RFX7: variants seen among roughly 807,000 people sequenced by gnomAD.
The protein encoded by RFX7 is regulatory factor X7.
RFX7 carries 26 observed loss-of-function variants against 111.8 expected under a neutral mutation model. The ratio of observed to expected loss-of-function variants is 0.23; its 90% CI spans 0.17 to 0.32. The LOEUF is 0.32. Among genes scored for constraint, RFX7 ranks in the 10% least tolerant of loss-of-function variants. The pLI is 1.00. For synonymous variants in RFX7, 624 were observed against 624.4 expected, an observed-to-expected ratio of 1.00 and a Z score of 0.01; for missense variants, 1,573 against 1,772.9, an observed-to-expected ratio of 0.89 and a Z score of 2.02.
At chr15:56,144,632 C>A in intron 3 of RFX7, 149 bp from the exon 4 acceptor site, 1 of 290,168 alleles carries the variant, frequency 3.4e-6, no homozygotes, top group Non-Finnish European at 7.0e-6. Flanking sequence ...TAAAATAATA[C>A]AATGAGGTTA....
intron 5 of RFX7, among the ~76,000 whole-genome samples, chr15:56,106,323 A>G (rs1422785418): frequency 6.6e-6 from 1 of 152,236 alleles, no homozygotes; most frequent in Non-Finnish European, 1.5e-5. Context: ...TGGTGGATAA[A>G]TATTAAAAGT....
chr15:56,118,228 A>G (rs1398874013), intron 5 of RFX7, among the ~76,000 whole-genome samples: 3 of 152,060 alleles, frequency 2.0e-5, no homozygotes, highest in Non-Finnish European at 4.4e-5. Flanking sequence ...AAAATGTACA[A>G]TTTAATTATT....
chr15:56,141,661 A>C (rs1018649068), intron 5 of RFX7, among the ~76,000 whole-genome samples: 1 of 127,162 alleles, frequency 7.9e-6, no homozygotes. Flanking sequence ...CTCTAAATAT[A>C]TATATATATA....
chr15:56,235,095 G>C (rs1302946316), intron 2 of RFX7, among the ~76,000 whole-genome samples: 1 of 151,862 alleles, frequency 6.6e-6, no homozygotes, highest in African/African-American at 2.4e-5. Flanking sequence ...AGAGAAATAA[G>C]ATAATGGAAG....
At chr15:56,149,786 A>C (rs147074448) in intron 3 of RFX7, among the ~76,000 whole-genome samples, 19 of 151,346 alleles carry the variant, frequency 1.3e-4, no homozygotes, top group African/African-American at 4.1e-4. Flanking sequence ...GCAGACACCG[A>C]ACTAGATGCA....
Position 56,243,545 on chromosome 15 carries a change from T to A in RFX7, c.-103A>T. On this transcript the variant is annotated 5_prime_UTR_variant, in exon 1 of 10. The change abolishes an upstream ATG in the 5' untranslated region. Transcript: ENST00000559447. The stretch of plus-strand genomic sequence containing the variant: ...GGGGCGCTTCACCGCGGGAGAGGCA[T>A]GGCGGCGCCCCTCAGCCCCCCGCTG... The A allele has an allele frequency of 1.0e-6, 1 of 976,254 alleles. No individual in the cohort carries two copies. Among genetic ancestry groups the A allele is most frequent in the Non-Finnish European group, 1.2e-6 (1 of 826,302 alleles). The allele number at this position is 976,254 out of a possible 1,614,324, so 60.5% of individuals were successfully genotyped here. A position where few individuals can be genotyped will look rare whatever the true frequency, so the allele number is the denominator to read the frequency against.
At position 56,240,835 on chromosome 15, in the gene RFX7, C is replaced by G. The variant is rs2682047; in HGVS notation, c.161+2290G>C. On this transcript the variant is annotated intron_variant, in intron 2 of 9. Coordinates refer to ENST00000559447, the MANE Select transcript of RFX7 (RefSeq NM_022841.7). ...TGTCTCAAAAATGTGAAATATCTAA[C>G]TGCAATCATCTATTAAAAATGATTT... 2.4e-4 allele frequency among the ~76,000 whole-genome samples: 37 copies of G among 152,132 alleles called. No individual in the cohort carries two copies. The East Asian group carries it at 6.9e-3, about 29-fold the overall frequency.
intron 8 of RFX7, among the ~76,000 whole-genome samples, chr15:56,098,700 A>G (rs367681331): frequency 1.9e-3 from 284 of 152,366 alleles, no homozygotes; most frequent in African/African-American, 5.9e-3. Flanking sequence ...GATAAATGCC[A>G]ACACAGCATT....
intron 2 of RFX7, 72 bp downstream of exon 2, chr15:56,243,053 G>T (rs2043725241): frequency 7.7e-6 from 4 of 520,680 alleles, no homozygotes; most frequent in Admixed American, 3.1e-5. Flanking sequence ...CCCCCCGCCC[G>T]CCGCCCCCCA....
chr15:56,196,534 T>C (rs1381859285), intron 2 of RFX7, among the ~76,000 whole-genome samples: 1 of 152,022 alleles, frequency 6.6e-6, no homozygotes, highest in African/African-American at 2.4e-5. Context: ...TACATAGAAG[T>C]GTGGATTCAA....
intron 3 of RFX7, among the ~76,000 whole-genome samples, chr15:56,176,363 G>A (rs1055697413): frequency 3.9e-5 from 6 of 152,090 alleles, no homozygotes; most frequent in Admixed American, 2.0e-4. Context: ...CACTATATAC[G>A]TAGTCAAACT....
At chr15:56,191,791 C>T (rs1205576233) in intron 2 of RFX7, among the ~76,000 whole-genome samples, 3 of 152,130 alleles carry the variant, frequency 2.0e-5, no homozygotes, top group African/African-American at 4.8e-5. Context: ...AAAGCCCACC[C>T]ATGCAGCAGC....
chr15:56,244,599 C>A (rs893612990), upstream of RFX7, among the ~76,000 whole-genome samples: 1 of 74,934 alleles, frequency 1.3e-5, no homozygotes, highest in Non-Finnish European at 2.7e-5. Flanking sequence ...CACCCCCTTT[C>A]CAGGAATGCC....
At chr15:56,129,711 G>T (rs543123116) in intron 5 of RFX7, among the ~76,000 whole-genome samples, 19 of 152,298 alleles carry the variant, frequency 1.2e-4, no homozygotes, top group African/African-American at 4.6e-4. Flanking sequence ...ATCTAAAAAA[G>T]TAATGGTATT....
chr15:56,139,877 G>A (rs2042363200), intron 5 of RFX7, among the ~76,000 whole-genome samples: 3 of 152,220 alleles, frequency 2.0e-5, no homozygotes, highest in Admixed American at 2.0e-4. Context: ...ACGCTGCAGT[G>A]TGAGGTGTCA....
At chr15:56,175,271 T>C (rs2042891304) in intron 3 of RFX7, among the ~76,000 whole-genome samples, 1 of 152,158 alleles carries the variant, frequency 6.6e-6, no homozygotes, top group South Asian at 2.1e-4. Context: ...CGCTGAAAGA[T>C]ATTATAGAAG....
At chr15:56,174,109 C>A (rs1210692157) in intron 3 of RFX7, among the ~76,000 whole-genome samples, 1 of 151,996 alleles carries the variant, frequency 6.6e-6, no homozygotes, top group African/African-American at 2.4e-5. Context: ...GAAACCCCGT[C>A]TCTACTAAAA....
At chr15:56,204,770 T>G (rs1443670473) in intron 2 of RFX7, among the ~76,000 whole-genome samples, 2 of 152,210 alleles carry the variant, frequency 1.3e-5, no homozygotes, top group Non-Finnish European at 2.9e-5. Flanking sequence ...TTTAGTCTTA[T>G]GCTCTTAAGA....
At chr15:56,238,098 A>G (rs2043645164) in intron 2 of RFX7, among the ~76,000 whole-genome samples, 1 of 152,232 alleles carries the variant, frequency 6.6e-6, no homozygotes, top group African/African-American at 2.4e-5. Flanking sequence ...TTTCCACTGT[A>G]GCTGAAGGAA....
Sources: allele counts gnomAD v4.1 joint callset (sites outside exome capture counted in the v4.1 genomes callset), GRCh38; gene constraint gnomAD v4.1.1; transcripts MANE v1.5; gene names NCBI Gene and HGNC (gene_info 2026-07-23, HGNC 2026-07-21).